WIZ: variants seen among roughly 807,000 people sequenced by gnomAD.
WIZ encodes the protein protein Wiz.
In WIZ, 25 loss-of-function variants were observed where a neutral mutation model predicts 140.2. The observed-to-expected ratio is 0.18, with a 90% CI of 0.13 to 0.25. The LOEUF is 0.25. Among genes scored for constraint, WIZ ranks in the 10% least tolerant of loss-of-function variants. WIZ has a pLI of 1.00. For synonymous variants in WIZ, 1,125 were observed against 1,154.3 expected, an observed-to-expected ratio of 0.97 and a Z score of 0.51; for missense variants, 2,231 against 2,632.6, an observed-to-expected ratio of 0.85 and a Z score of 3.34.
chr19:15,446,271 G>A (rs892167329), intron 2 of WIZ, among the ~76,000 whole-genome samples: 1 of 152,126 alleles, frequency 6.6e-6, no homozygotes. Context: ...CAGACCTGGG[G>A]CATCTGCGAG....
intron 2 of WIZ, among the ~76,000 whole-genome samples, chr19:15,445,804 C>G (rs921934405): frequency 6.6e-6 from 1 of 152,010 alleles, no homozygotes; most frequent in Non-Finnish European, 1.5e-5. Flanking sequence ...GAGGAGGCAG[C>G]GGGCACACCC....
rs111447846 is a variant in WIZ, at chr19:15,440,421, G to A, written c.573C>T (p.Asp191=). ...RPRFDWLQDE[D]EQGSPQDAGL... ...CTGCGTCCTGGGGGGATCCCTGCTCGTCCTCATCTTGGAGCCAGTCGAACC... is the reference window on the plus strand; with the variant it reads ...CTGCGTCCTGGGGGGATCCCTGCTCATCCTCATCTTGGAGCCAGTCGAACC... The change falls in exon 4 of 13, where the codon GAC becomes GAT. Residue 191 remains aspartate, a synonymous_variant. Transcript: ENST00000673675. The surrounding 1 kb of genome is among the most constrained non-coding windows in gnomAD (Gnocchi z 6.2). 234 of 1,535,980 alleles carry A rather than the reference G, an allele frequency of 1.5e-4. 1 individual carries two copies. In the African/African-American group the frequency reaches 2.2e-3, roughly 14 times the overall value.
chr19:15,449,249 C>G (rs914644296), intron 1 of WIZ, among the ~76,000 whole-genome samples: 3 of 152,028 alleles, frequency 2.0e-5, no homozygotes, highest in Admixed American at 2.0e-4. Context: ...CCCAGGCAAC[C>G]GGGGCGGGGC....
intron 2 of WIZ, among the ~76,000 whole-genome samples, chr19:15,447,513 C>T (rs1969960200): frequency 6.6e-6 from 1 of 152,244 alleles, no homozygotes; most frequent in Admixed American, 6.5e-5. Context: ...CTTTGGTTTA[C>T]AGCTGTCTTC....
intron 2 of WIZ, among the ~76,000 whole-genome samples, chr19:15,445,393 C>T (rs548648540): frequency 6.6e-6 from 1 of 152,206 alleles, no homozygotes; most frequent in Non-Finnish European, 1.5e-5. Flanking sequence ...GACCCAGTCT[C>T]GCAGGGCCAG....
Position 15,425,638 on chromosome 19 carries a change from A to G in WIZ, c.4497T>C (p.Asn1499=), listed in dbSNP as rs1189154881. The change falls in exon 10 of 13, where the codon AAT becomes AAC. Residue 1499 remains asparagine, a synonymous_variant. Coordinates refer to ENST00000673675, the MANE Select transcript of WIZ (RefSeq NM_001371589.1). The part of the protein sequence containing the change: ...RQMGVTEWSV[N]GSPIDTLREI... ...CTCGCAGTGTGTCGATGGGCGAACC[A>G]TTGACGGACCACTCGGTCACACCCA... 19 of 1,613,130 alleles carry G rather than the reference A, an allele frequency of 1.2e-5. No homozygotes were observed. Among genetic ancestry groups the G allele is most frequent in the Middle Eastern group, 1.6e-4 (1 of 6,072 alleles).
rs772404169 is a variant in WIZ, at chr19:15,437,037, G to A, written c.2509C>T (p.Arg837Trp). 4 of 1,613,686 alleles carry A rather than the reference G, an allele frequency of 2.5e-6. No individual in the cohort carries two copies. The highest frequency in any genetic ancestry group is 3.4e-6 in the Non-Finnish European group (4 of 1,179,846). Reference protein sequence around the residue: ...DTRAGLSSHARAHLRDFGITN... With the variant: ...DTRAGLSSHAWAHLRDFGITN... ...ATACCGAAGTCACGTAGGTGGGCCC[G>A]GGCGTGGCTGGAGAGGCCGGCCCGT... Residue 837 changes from arginine to tryptophan, a missense_variant, in exon 5 of 13, where the codon CGG becomes TGG. Arg to Trp is a moderately radical substitution (Grantham distance 101). Coordinates refer to ENST00000673675, the MANE Select transcript of WIZ (RefSeq NM_001371589.1).
intron 3 of WIZ, among the ~76,000 whole-genome samples, chr19:15,441,001 A>G (rs1007849469): frequency 3.3e-5 from 5 of 152,002 alleles, no homozygotes; most frequent in Admixed American, 3.3e-4. Flanking sequence ...CCACACGGGG[A>G]TGTGGCCACC....
At position 15,428,285 on chromosome 19, in the gene WIZ, C is replaced by G; in HGVS notation, c.3639G>C (p.Gly1213=). ...GGGCCGCGGAGGTGGGAGGCGGCCG[C>G]CCCGGGTGGGCCAGGGCGCCGCGCC... ...PPRRGALAHP[G]RPPPTSAALS... The change falls in exon 8 of 13, where the codon GGG becomes GGC. Residue 1213 remains glycine, a synonymous_variant. Coordinates refer to ENST00000673675, the MANE Select transcript of WIZ (RefSeq NM_001371589.1). This position sits in a 1 kb window ranked among gnomAD's most constrained non-coding sequence, Gnocchi z 6.4. The G allele has an allele frequency of 1.3e-6, 2 of 1,527,882 alleles. No homozygotes were observed. Among genetic ancestry groups the G allele is most frequent in the Non-Finnish European group, 1.7e-6 (2 of 1,143,740 alleles). The allele number at this position is 1,527,882 out of a possible 1,614,324, so 94.6% of individuals were successfully genotyped here. A position where few individuals can be genotyped will look rare whatever the true frequency, so the allele number is the denominator to read the frequency against.
At chr19:15,441,160 C>A (rs540941807) in intron 3 of WIZ, among the ~76,000 whole-genome samples, 1 of 152,162 alleles carries the variant, frequency 6.6e-6, no homozygotes, top group South Asian at 2.1e-4. Context: ...CCAGATTTGG[C>A]GATTAACTTT....
At chr19:15,425,098 G>A (rs777471897) in intron 10 of WIZ, 66 bp from the exon 11 acceptor site, 32 of 1,506,674 alleles carry the variant, frequency 2.1e-5, no homozygotes, top group Non-Finnish European at 2.7e-5. Flanking sequence ...AGATGGCCCT[G>A]CCCAGGCCAG....
chr19:15,437,017 G>A lies in WIZ; in HGVS notation c.2529C>T (p.Phe843=), dbSNP rs373953186. 1.0e-4 allele frequency: 169 copies of A among 1,613,748 alleles called. No homozygotes were observed. Among genetic ancestry groups the A allele is most frequent in the Non-Finnish European group, 1.3e-4 (159 of 1,179,924 alleles). The change falls in exon 5 of 13, where the codon TTC becomes TTT. Residue 843 remains phenylalanine, a synonymous_variant. Coordinates refer to ENST00000673675, the MANE Select transcript of WIZ (RefSeq NM_001371589.1). ...SSHARAHLRD[F]GITNWELTVS... is the part of the protein sequence containing the mutation. ...CAGTGAGCTCCCAGTTGGTGATACC[G>A]AAGTCACGTAGGTGGGCCCGGGCGT...
rs1160603386 is a variant in WIZ at position 15,430,627 on chromosome 19, T to C, written c.2911+385A>G. On this transcript the variant is annotated intron_variant, in intron 6 of 12. Coordinates refer to ENST00000673675, the MANE Select transcript of WIZ (RefSeq NM_001371589.1). ...ATTCATTTTGCTCCTCTCACCTCCCTGGAGTCCACCCCAGGGCCCGTCACT... is the reference window on the plus strand; with the variant it reads ...ATTCATTTTGCTCCTCTCACCTCCCCGGAGTCCACCCCAGGGCCCGTCACT... Among the ~76,000 whole-genome samples the C allele has an allele frequency of 2.0e-5, 3 of 152,300 alleles. No individual in the cohort carries two copies. The East Asian group carries it at 5.8e-4, about 29-fold the overall frequency.
Position 15,440,646 on chromosome 19 carries a change from T to C in WIZ, c.348A>G (p.Pro116=), listed in dbSNP as rs1414980211. The C allele has an allele frequency of 1.3e-6, 2 of 1,529,190 alleles. No homozygotes were observed. The allele number at this position is 1,529,190 out of a possible 1,614,324, so 94.7% of individuals were successfully genotyped here. ...AGGGCCCCCGGCCATCAGGGGTACC[T>C]GGGAAATGGCCCAGGAGATGGGGTG... ...SPPPHLLGHF[P]GTPDGRGPWE... Residue 116 remains proline, a synonymous_variant, in exon 4 of 13, where the codon CCA becomes CCG. Transcript: ENST00000673675. This position sits in a 1 kb window ranked among gnomAD's most constrained non-coding sequence, Gnocchi z 6.2.
intron 5 of WIZ, among the ~76,000 whole-genome samples, chr19:15,433,845 A>G (rs1471606378): frequency 6.6e-6 from 1 of 152,202 alleles, no homozygotes; most frequent in African/African-American, 2.4e-5. Flanking sequence ...GGGGGCTTTG[A>G]TAGCCCCACC....
At position 15,426,958 on chromosome 19, in the gene WIZ, G is replaced by A. The variant is rs1440190393; in HGVS notation, c.4366+24C>T. ...GGAGACCCCTCCAACTGTTCTCCCT[G>A]CCCTACTGCAGGGTCACACTTACAC... On this transcript the variant is annotated intron_variant, in intron 9 of 12. Coordinates refer to ENST00000673675, the MANE Select transcript of WIZ (RefSeq NM_001371589.1). 2 of 1,584,198 alleles carry A rather than the reference G, an allele frequency of 1.3e-6. No individual in the cohort carries two copies. The highest frequency in any genetic ancestry group is 1.2e-5 in the South Asian group (1 of 86,930).
intron 4 of WIZ, among the ~76,000 whole-genome samples, chr19:15,437,517 A>G (rs1476695395): frequency 1.3e-5 from 2 of 152,230 alleles, no homozygotes; most frequent in Non-Finnish European, 2.9e-5. Flanking sequence ...TTAGCTGGGC[A>G]TAGTGGTGCG....
At chr19:15,423,876 C>T (rs1189104450) in intron 12 of WIZ, among the ~76,000 whole-genome samples, 1 of 152,246 alleles carries the variant, frequency 6.6e-6, no homozygotes, top group African/African-American at 2.4e-5. Flanking sequence ...TTCACTTACT[C>T]CTCGTAACAA....
rs1022028799 is a variant in WIZ, at chr19:15,439,266, G to A, written c.1728C>T (p.Leu576=). The change falls in exon 4 of 13, where the codon CTC becomes CTT. Residue 576 remains leucine, a synonymous_variant. Coordinates refer to ENST00000673675, the MANE Select transcript of WIZ (RefSeq NM_001371589.1). This position sits in a 1 kb window ranked among gnomAD's most constrained non-coding sequence, Gnocchi z 7.0. ...GTGTGGAGGGAAAGGCCAGCCTTCC[G>A]AGAGGCCTCTGGCCCGTGCCATGCA... is the stretch of plus-strand genomic sequence containing the variant. The part of the protein sequence containing the change: ...PLLHGTGQRP[L]GRLAFPSTLA... 12 of 1,535,010 alleles carry A rather than the reference G, an allele frequency of 7.8e-6. No individual in the cohort carries two copies. The highest frequency in any genetic ancestry group is 9.6e-6 in the Non-Finnish European group (11 of 1,146,268).
Sources: gnomAD v4.1 joint callset for allele counts (sites outside exome capture counted in the v4.1 genomes callset) on GRCh38, gnomAD v4.1.1 for gene constraint, Gnocchi (gnomAD v3.1) non-coding constraint, MANE v1.5 for transcripts, NCBI Gene and HGNC (gene_info 2026-07-23, HGNC 2026-07-21) for gene names.